The following BICD1 variants were observed in gnomAD, a reference collection of about 807,000 sequenced individuals.
BICD1 encodes BICD cargo adaptor 1.
BICD1 carries 35 observed loss-of-function variants against 92.5 expected under a neutral mutation model. The observed-to-expected ratio is 0.38, with a 90% CI of 0.29 to 0.50. The LOEUF is 0.50. Ranked by LOEUF, BICD1 falls within the 20% of genes least tolerant of loss-of-function variation. The pLI is 0.93. For synonymous variants in BICD1, 429 were observed against 465.1 expected (o/e 0.92, Z 1.00); for missense variants, 950 against 1,189.8 (o/e 0.80, Z 2.97).
At chr12:32,209,751 C>T (rs1199538633) in intron 1 of BICD1, among the ~76,000 whole-genome samples, 5 of 152,188 alleles carry the variant, frequency 3.3e-5, no homozygotes, top group African/African-American at 1.2e-4. Context: ...GTCACTCCCT[C>T]ACTTTGTTCC....
In BICD1 at chr12:32,214,347, C is replaced by T. The variant is rs1380127532; in HGVS notation, c.214-1900C>T. 2.6e-5 allele frequency among the ~76,000 whole-genome samples: 4 copies of T among 152,138 alleles called. No homozygotes were observed. In the East Asian group the frequency reaches 5.8e-4, roughly 22 times the overall value. Reference sequence around the variant, plus strand: ...ACTGGTATATCATTGCTTCTAGGCCCTCTCAGCTTACAGTGCTAGGAAATA... The same window carrying T: ...ACTGGTATATCATTGCTTCTAGGCCTTCTCAGCTTACAGTGCTAGGAAATA... On this transcript the variant is annotated intron_variant, in intron 1 of 9. Transcript: ENST00000652176.
intron 2 of BICD1, among the ~76,000 whole-genome samples, chr12:32,254,568 C>G (rs1020851396): frequency 6.6e-6 from 1 of 152,200 alleles, no homozygotes; most frequent in African/African-American, 2.4e-5. Flanking sequence ...AAATAAAAAC[C>G]TGACCTTCCC....
chr12:32,342,400 G>A (rs1475230579), intron 8 of BICD1, among the ~76,000 whole-genome samples: 5 of 150,768 alleles, frequency 3.3e-5, no homozygotes, highest in African/African-American at 7.3e-5. Context: ...GACTACAGGC[G>A]CCCGTCACCA....
intron 1 of BICD1, among the ~76,000 whole-genome samples, chr12:32,198,322 G>GTATATATATATATATATATA (rs1565581365): frequency 2.2e-5 from 1 of 45,744 alleles, no homozygotes; most frequent in Admixed American, 2.7e-4. Context: ...GGAATAATAT[G>GTATATATATATATATATATA]CATCTATCTA....
intron 1 of BICD1, among the ~76,000 whole-genome samples, chr12:32,116,496 C>CTATATATA (rs1941911542): frequency 3.0e-5 from 2 of 67,514 alleles, no homozygotes; most frequent in East Asian, 7.5e-4. Context: ...CTCTCTTTCT[C>CTATATATA]TCTCTCTCTC....
At chr12:32,345,443 C>G (rs184560861) in intron 8 of BICD1, among the ~76,000 whole-genome samples, 1 of 151,880 alleles carries the variant, frequency 6.6e-6, no homozygotes, top group African/African-American at 2.4e-5. Flanking sequence ...ACAACTGTGC[C>G]CACCCAACCT....
intron 5 of BICD1, among the ~76,000 whole-genome samples, chr12:32,331,468 C>T (rs546762724): frequency 6.6e-6 from 1 of 151,996 alleles, no homozygotes; most frequent in East Asian, 1.9e-4. Context: ...TTTTGGGGGA[C>T]AAGAAATGTT....
In BICD1 at chr12:32,141,979, A is replaced by G. The variant is rs547887442; in HGVS notation, c.213+34435A>G. Among the ~76,000 whole-genome samples the G allele has an allele frequency of 7.9e-5, 12 of 152,278 alleles. No individual in the cohort carries two copies. The South Asian group carries it at 2.3e-3, about 29-fold the overall frequency. On this transcript the variant is annotated intron_variant, in intron 1 of 9. Coordinates refer to ENST00000652176, the MANE Select transcript of BICD1 (RefSeq NM_001714.4). Reference sequence around the variant, plus strand: ...GCTCAACCATAGTCTATTTTTTTCAAAAAGGTATAAATCTTATCAATGTTT... The same window carrying G: ...GCTCAACCATAGTCTATTTTTTTCAGAAAGGTATAAATCTTATCAATGTTT...
chr12:32,282,458 C>CA (rs2136171555), intron 2 of BICD1, among the ~76,000 whole-genome samples: 1 of 152,074 alleles, frequency 6.6e-6, no homozygotes, highest in African/African-American at 2.4e-5. Flanking sequence ...TTTCAAGAAC[C>CA]AACAGAAGGC....
chr12:32,172,129 G>C (rs934107173), intron 1 of BICD1, among the ~76,000 whole-genome samples: 1 of 152,094 alleles, frequency 6.6e-6, no homozygotes, highest in Non-Finnish European at 1.5e-5. Flanking sequence ...ACACATTGCT[G>C]TCTGGCTTGT....
At chr12:32,177,837 CTTT>C (rs1944162243) in intron 1 of BICD1, among the ~76,000 whole-genome samples, 1 of 130,664 alleles carries the variant, frequency 7.7e-6, no homozygotes, top group Non-Finnish European at 1.7e-5. Context: ...ATTGCAAAAA[CTTT>C]TTAATGATAA....
intron 2 of BICD1, among the ~76,000 whole-genome samples, chr12:32,284,343 T>C (rs1399096601): frequency 1.3e-5 from 2 of 152,208 alleles, no homozygotes; most frequent in Non-Finnish European, 1.5e-5. Flanking sequence ...CTTATAAGTA[T>C]TTATAGGATA....
chr12:32,153,129 C>T (rs1485650032), intron 1 of BICD1, among the ~76,000 whole-genome samples: 1 of 152,166 alleles, frequency 6.6e-6, no homozygotes, highest in African/African-American at 2.4e-5. Context: ...CCATAAGTAC[C>T]TGATGTGTAG....
chr12:32,208,808 G>C (rs1476824625), intron 1 of BICD1, among the ~76,000 whole-genome samples: 5 of 151,922 alleles, frequency 3.3e-5, no homozygotes, highest in Admixed American at 1.3e-4. Context: ...TTTGGGCTCA[G>C]TGTTTTCTTT....
At chr12:32,358,752 C>G (rs1335172462) in intron 8 of BICD1, among the ~76,000 whole-genome samples, 1 of 152,030 alleles carries the variant, frequency 6.6e-6, no homozygotes, top group Admixed American at 6.6e-5. Flanking sequence ...AAAAGTAATA[C>G]AGAAAGTGAC....
Position 32,305,842 on chromosome 12 carries a change from G to C in BICD1, c.725G>C (p.Arg242Thr). The C allele has an allele frequency of 6.2e-7, 1 of 1,614,176 alleles. No individual in the cohort carries two copies. The highest frequency in any genetic ancestry group is 8.5e-7 in the Non-Finnish European group (1 of 1,180,038). Reference sequence around the variant, plus strand: ...GCCCTCGAGACTTTAAAAAATGAAAGAGAGCAAAAGAACAACCTGCGGAAG... The same window carrying C: ...GCCCTCGAGACTTTAAAAAATGAAACAGAGCAAAAGAACAACCTGCGGAAG... ...EEALETLKNE[R>T]EQKNNLRKEL... The change falls in exon 4 of 10, where the codon AGA becomes ACA. Residue 242 changes from arginine (R) to threonine (T), a missense_variant. Arg to Thr is a moderately conservative substitution (Grantham distance 71, BLOSUM62 -1). Transcript: ENST00000652176.
At chr12:32,181,969 G>A (rs1944283905) in intron 1 of BICD1, among the ~76,000 whole-genome samples, 1 of 151,974 alleles carries the variant, frequency 6.6e-6, no homozygotes, top group Admixed American at 6.6e-5. Context: ...GATAGTAATT[G>A]CTCTAAGATG....
chr12:32,258,028 A>G (rs917760832), intron 2 of BICD1, among the ~76,000 whole-genome samples: 1 of 152,206 alleles, frequency 6.6e-6, no homozygotes, highest in Admixed American at 6.5e-5. Context: ...CATGTATATG[A>G]GCATTTCTGT....
At chr12:32,193,491 T>A (rs1944634484) in intron 1 of BICD1, among the ~76,000 whole-genome samples, 1 of 152,116 alleles carries the variant, frequency 6.6e-6, no homozygotes, top group Non-Finnish European at 1.5e-5. Context: ...GTTGTGGTGG[T>A]TTGGAACTGG....
Sources: gnomAD v4.1 joint callset for allele counts (sites outside exome capture counted in the v4.1 genomes callset) on GRCh38, gnomAD v4.1.1 for gene constraint, MANE v1.5 for transcripts, NCBI Gene and HGNC (gene_info 2026-07-23, HGNC 2026-07-21) for gene names.